Variants in TCF4 observed in about 807,000 individuals in gnomAD.
TCF4 encodes the protein transcription factor 4, also known as SL3-3 enhancer factor 2.
Under a neutral mutation model 82.1 loss-of-function variants are expected in TCF4, and 3 were observed. The observed-to-expected ratio is 0.04, with a 90% CI of 0.02 to 0.09. The LOEUF is 0.09. Ranked by LOEUF, TCF4 falls within the 10% of genes least tolerant of loss-of-function variation. The pLI, the probability that TCF4 is intolerant of heterozygous loss-of-function variation, is 1.00. For synonymous variants in TCF4, 276 were observed against 309.6 expected, an observed-to-expected ratio of 0.89 and a Z score of 1.14; for missense variants, 518 against 852.7, an observed-to-expected ratio of 0.61 and a Z score of 4.89.
chr18:55,533,894 C>T (rs535815952), intron 3 of TCF4, among the ~76,000 whole-genome samples: 1 of 152,310 alleles, frequency 6.6e-6, no homozygotes, highest in South Asian at 2.1e-4. Context: ...ACTTACTGAG[C>T]ATCCACCCTG....
intron 6 of TCF4, chr18:55,383,846 AT>A (rs2092303316): frequency 6.6e-6 from 1 of 152,234 alleles, no homozygotes; most frequent in African/African-American, 2.4e-5. Context: ...TCAGACATGA[AT>A]GATGTGACCC....
intron 16 of TCF4, 67 bp downstream of exon 16, chr18:55,234,481 G>C: frequency 6.2e-7 from 1 of 1,603,674 alleles, no homozygotes; most frequent in South Asian, 1.1e-5. Flanking sequence ...AACACCAAGA[G>C]GCTGGGTATC....
chr18:55,411,348 G>A (rs1488833036), intron 5 of TCF4, among the ~76,000 whole-genome samples: 1 of 152,118 alleles, frequency 6.6e-6, no homozygotes, highest in African/African-American at 2.4e-5. Context: ...TTTTACTGCA[G>A]TTTGAGTCTA....
chr18:55,418,216 CCA>C (rs966928123), intron 5 of TCF4, among the ~76,000 whole-genome samples: 1 of 151,998 alleles, frequency 6.6e-6, no homozygotes, highest in African/African-American at 2.4e-5. Context: ...CTCTATTTCT[CCA>C]GAGGGTCACT....
chr18:55,283,624 T>C (rs1028452777), intron 8 of TCF4, among the ~76,000 whole-genome samples: 1 of 152,230 alleles, frequency 6.6e-6, no homozygotes, highest in South Asian at 2.1e-4. Flanking sequence ...GTCAAGTGTA[T>C]TGGCCCAAAC....
At chr18:55,536,596 C>T (rs916660386) in intron 3 of TCF4, among the ~76,000 whole-genome samples, 2 of 151,974 alleles carry the variant, frequency 1.3e-5, no homozygotes, top group Non-Finnish European at 2.9e-5. Context: ...AGAATGTTGC[C>T]CCAACATATA....
In TCF4 at chr18:55,332,329, AAC is replaced by A. The variant is rs547293319; in HGVS notation, c.549+18028_549+18029del. The A allele has an allele frequency of 1.2e-3, 190 of 152,230 alleles. 1 individual carries two copies. The highest frequency in any genetic ancestry group is 4.2e-3 in the African/African-American group (174 of 41,544). 9.4% of individuals were successfully genotyped at this position (152,230 alleles called of 1,614,324 possible). A position where few individuals can be genotyped will look rare whatever the true frequency, so the allele number is the denominator to read the frequency against. On this transcript the variant is annotated intron_variant, in intron 8 of 19. Coordinates refer to ENST00000354452, the MANE Select transcript of TCF4 (RefSeq NM_001083962.2). ...ATTTGAGGCAGTACAGAAAAAAAAA[AAC>A]AGCTTAAAAAATTATTTTGTTGCAT...
chr18:55,260,037 A>G lies in TCF4; in HGVS notation c.991-10T>C. The G allele has an allele frequency of 6.3e-7, 1 of 1,597,686 alleles. No individual in the cohort carries two copies. ...GATCTGGAGAATAGATCTTAAAACA[A>G]TAAGGAGAAAAAAAAAACACCCTCA... On this transcript the variant is annotated splice_polypyrimidine_tract_variant and intron_variant, in intron 12 of 19. Transcript: ENST00000354452.
chr18:55,386,358 C>T (rs1339808862), intron 6 of TCF4, among the ~76,000 whole-genome samples: 1 of 152,184 alleles, frequency 6.6e-6, no homozygotes, highest in Admixed American at 6.5e-5. Context: ...CAGACCATTT[C>T]GTATTCTTTA....
In TCF4 at chr18:55,526,869, C is replaced by T. The variant is rs187289776; in HGVS notation, c.145+58411G>A. On this transcript the variant is annotated intron_variant, in intron 3 of 19. Transcript: ENST00000354452. ...AATCCTCTTGCTACCCAGATAAGCTCCACAGATGCTTTCTCCCAAACATAA... is the reference window on the plus strand; with the variant it reads ...AATCCTCTTGCTACCCAGATAAGCTTCACAGATGCTTTCTCCCAAACATAA... 2.9e-3 allele frequency among the ~76,000 whole-genome samples: 443 copies of T among 152,214 alleles called. 3 individuals are homozygous for T. Among genetic ancestry groups the T allele is most frequent in the Non-Finnish European group, 5.3e-3 (362 of 68,020 alleles).
chr18:55,562,600 T>C (rs960658653), intron 3 of TCF4, among the ~76,000 whole-genome samples: 8 of 152,298 alleles, frequency 5.3e-5, no homozygotes, highest in Admixed American at 2.6e-4. Flanking sequence ...CCTTGTACCC[T>C]CTGGCCTTTG....
At chr18:55,507,230 T>G (rs1166432284) in intron 3 of TCF4, among the ~76,000 whole-genome samples, 3 of 152,202 alleles carry the variant, frequency 2.0e-5, no homozygotes, top group African/African-American at 7.2e-5. Flanking sequence ...TTTTGGCATA[T>G]CTGAATTGCC....
intron 6 of TCF4, among the ~76,000 whole-genome samples, chr18:55,369,672 T>C (rs1252451689): frequency 6.6e-6 from 1 of 152,148 alleles, no homozygotes; most frequent in Non-Finnish European, 1.5e-5. Context: ...TTTTAAAATA[T>C]TTAAATATTC....
intron 3 of TCF4, among the ~76,000 whole-genome samples, chr18:55,577,254 A>ACG (rs1603624192): frequency 7.0e-6 from 1 of 142,300 alleles, no homozygotes; most frequent in Non-Finnish European, 1.5e-5. Context: ...GTATATACAT[A>ACG]TTTATACATA....
intron 6 of TCF4, among the ~76,000 whole-genome samples, chr18:55,352,470 T>A (rs1271884636): frequency 1.9e-4 from 29 of 152,148 alleles, no homozygotes; most frequent in Non-Finnish European, 1.5e-5. Context: ...TAAGACTTTT[T>A]CAAGAGATAT....
chr18:55,550,757 G>A (rs535673210), intron 3 of TCF4: 1 of 152,110 alleles, frequency 6.6e-6, no homozygotes, highest in East Asian at 1.9e-4. Flanking sequence ...TTTCATTGAT[G>A]GTGATAAAAA....
At chr18:55,400,498 T>C (rs1175192158) in intron 6 of TCF4, among the ~76,000 whole-genome samples, 2 of 152,192 alleles carry the variant, frequency 1.3e-5, no homozygotes, top group Non-Finnish European at 2.9e-5. Context: ...CCATGTTTAT[T>C]TCTGATAACT....
chr18:55,262,735 C>T (rs1406285106), intron 11 of TCF4, among the ~76,000 whole-genome samples: 1 of 152,144 alleles, frequency 6.6e-6, no homozygotes, highest in African/African-American at 2.4e-5. Flanking sequence ...ATTTAATTCT[C>T]CTGACCTCTG....
intron 5 of TCF4, among the ~76,000 whole-genome samples, chr18:55,407,458 C>T (rs1259635725): frequency 2.0e-5 from 3 of 152,084 alleles, no homozygotes; most frequent in African/African-American, 7.2e-5. Flanking sequence ...CAGAACAAGT[C>T]GGCATCTCCA....
Sources: allele counts gnomAD v4.1 joint callset (sites outside exome capture counted in the v4.1 genomes callset), GRCh38; gene constraint gnomAD v4.1.1; transcripts MANE v1.5; gene names NCBI Gene and HGNC (gene_info 2026-07-23, HGNC 2026-07-21).